Variants in ZNF662 observed in about 807,000 individuals in gnomAD.
The protein encoded by ZNF662 is zinc finger protein 662.
Under a neutral mutation model 12.4 loss-of-function variants are expected in ZNF662, and 14 were observed. That is an observed-to-expected ratio of 1.13 (90% CI 0.75 to 1.77). The LOEUF is 1.77. Ranked by LOEUF, ZNF662 falls within the 40% of genes most tolerant of loss-of-function variation. The pLI, the probability that ZNF662 is intolerant of heterozygous loss-of-function variation, is 0.00. For synonymous variants in ZNF662, 184 were observed against 176.4 expected (o/e 1.04, Z -0.34); for missense variants, 550 against 515.6 (o/e 1.07, Z -0.65).
rs116038501 is a variant in ZNF662 at position 42,914,948 on chromosome 3, C to A, written c.875C>A (p.Thr292Lys). 1 of 1,613,830 alleles carries A rather than the reference C, an allele frequency of 6.2e-7. No homozygotes were observed. Among genetic ancestry groups the A allele is most frequent in the Non-Finnish European group, 8.5e-7 (1 of 1,180,002 alleles). ...GKGFSQNTSLTQHQRIHTGEK... is the reference protein window; with the variant it reads ...GKGFSQNTSLKQHQRIHTGEK... ...GGCTTTAGTCAGAACACAAGCCTTA[C>A]GCAACATCAACGGATCCACACTGGT... is the stretch of plus-strand genomic sequence containing the variant. The change falls in exon 5 of 5, where the codon ACG becomes AAG. Residue 292 changes from threonine (T) to lysine (K), a missense_variant. By Grantham distance (78) the Thr-to-Lys change is moderately conservative. Transcript: ENST00000440367.
rs933569238 is a variant in ZNF662, at chr3:42,914,917, G to C, written c.844G>C (p.Gly282Arg). The stretch of plus-strand genomic sequence containing the variant: ...GAAACCCTTTGAATGTAAGGAATGT[G>C]GGAAGGGCTTTAGTCAGAACACAAG... Reference protein sequence around the residue: ...GEKPFECKECGKGFSQNTSLT... With the variant: ...GEKPFECKECRKGFSQNTSLT... The change falls in exon 5 of 5, where the codon GGG (glycine) becomes CGG (arginine). Residue 282 changes from glycine (G) to arginine (R), a missense_variant. Transcript: ENST00000440367. The C allele has an allele frequency of 6.2e-7, 1 of 1,614,102 alleles. No homozygotes were observed. The highest frequency in any genetic ancestry group is 1.3e-5 in the African/African-American group (1 of 74,934).
chr3:42,915,137 C>T lies in ZNF662; in HGVS notation c.1064C>T (p.Thr355Ile). Residue 355 changes from threonine to isoleucine, a missense_variant, in exon 5 of 5, where the codon ACT becomes ATT. By Grantham distance (89) the Thr-to-Ile change is moderately conservative (BLOSUM62 -1). Transcript: ENST00000440367. ...CTTTCTCAGCACCAGAGGGTCCACA[C>T]TGGGGACAAGCCTCATGAATGTACT... is the stretch of plus-strand genomic sequence containing the variant. Reference protein sequence around the residue: ...SDLSQHQRVHTGDKPHECTDC... With the variant: ...SDLSQHQRVHIGDKPHECTDC... 1 of 1,614,200 alleles carries T rather than the reference C, an allele frequency of 6.2e-7. No homozygotes were observed. Among genetic ancestry groups the T allele is most frequent in the Non-Finnish European group, 8.5e-7 (1 of 1,180,034 alleles).
chr3:42,909,615 G>T (rs924476176), intron 3 of ZNF662, among the ~76,000 whole-genome samples: 2 of 152,124 alleles, frequency 1.3e-5, no homozygotes, highest in African/African-American at 4.8e-5. Context: ...TAGCAGAGGG[G>T]CTCCTCACTT....
chr3:42,913,791 G>A (rs2088861462), intron 4 of ZNF662, among the ~76,000 whole-genome samples: 1 of 152,156 alleles, frequency 6.6e-6, no homozygotes, highest in African/African-American at 2.4e-5. Flanking sequence ...GTTCTGCCTG[G>A]AGTAGTTTGA....
Position 42,913,264 on chromosome 3 carries a change from T to A in ZNF662, c.215T>A (p.Leu72Gln). 6.2e-7 allele frequency: 1 copy of A among 1,614,044 alleles called. No individual in the cohort carries two copies. The highest frequency in any genetic ancestry group is 1.6e-4 in the Middle Eastern group (1 of 6,062). ...GAGCAGGTGGAAGAGCCATTAAACCTGAAACTGCAAGGAGAGGGTCCAAGC... is the reference window on the plus strand; with the variant it reads ...GAGCAGGTGGAAGAGCCATTAAACCAGAAACTGCAAGGAGAGGGTCCAAGC... Reference protein sequence around the residue: ...HPEQVEEPLNLKLQGEGPSLI... With the variant: ...HPEQVEEPLNQKLQGEGPSLI... The change falls in exon 4 of 5, where the codon CTG (leucine) becomes CAG (glutamine). Residue 72 changes from leucine (L) to glutamine (Q), a missense_variant. Leu to Gln is a moderately radical substitution (Grantham distance 113, BLOSUM62 -2). Transcript: ENST00000440367.
Position 42,916,452 on chromosome 3 carries a change from C to T in ZNF662, c.*1098C>T, listed in dbSNP as rs2088897650. 2 of 150,918 alleles carry T rather than the reference C, an allele frequency of 1.3e-5. No homozygotes were observed. Among genetic ancestry groups the T allele is most frequent in the African/African-American group, 4.9e-5 (2 of 40,780 alleles). 9.3% of individuals were successfully genotyped at this position (150,918 alleles called of 1,614,324 possible). The stretch of plus-strand genomic sequence containing the variant: ...CTATCTCAGCTCACTGCAAGCTCCA[C>T]CTCCTGGGTTCATGCCATTCTTCTG... On this transcript the variant is annotated 3_prime_UTR_variant, in exon 5 of 5. Coordinates refer to ENST00000440367, the MANE Select transcript of ZNF662 (RefSeq NM_207404.4).
At chr3:42,911,502 T>TA (rs2088789506) in intron 3 of ZNF662, among the ~76,000 whole-genome samples, 1 of 152,190 alleles carries the variant, frequency 6.6e-6, no homozygotes, top group South Asian at 2.1e-4. Context: ...ACAGCTAAGT[T>TA]ACTCCTTGAG....
In ZNF662 at chr3:42,914,873, A is replaced by T; in HGVS notation, c.800A>T (p.Gln267Leu). Residue 267 changes from glutamine to leucine, a missense_variant, in exon 5 of 5, where the codon CAG (glutamine) becomes CTG (leucine). Coordinates refer to ENST00000440367, the MANE Select transcript of ZNF662 (RefSeq NM_207404.4). ...FVWKSNLIRHQRIHTGEKPFE... is the reference protein window; with the variant it reads ...FVWKSNLIRHLRIHTGEKPFE... ...TGGAAGTCAAACCTGATTCGTCACC[A>T]GAGAATACATACTGGAGAGAAACCC... is the stretch of plus-strand genomic sequence containing the variant. The T allele has an allele frequency of 6.2e-7, 1 of 1,614,224 alleles. No individual in the cohort carries two copies.
chr3:42,912,652 AAAT>A (rs1221441784), intron 3 of ZNF662, among the ~76,000 whole-genome samples: 9 of 68,456 alleles, frequency 1.3e-4, no homozygotes, highest in African/African-American at 4.6e-4. Context: ...ATATATATAT[AAAT>A]ATATATATAT....
Position 42,914,732 on chromosome 3 carries a change from A to G in ZNF662, c.659A>G (p.Tyr220Cys), listed in dbSNP as rs764720706. ...AAAACTCATAATGGAGAGAAGGTCT[A>G]TGGATGTAAGGAATGTGGGAAGGCT... is the stretch of plus-strand genomic sequence containing the variant. ...HQKTHNGEKV[Y>C]GCKECGKAFS... Residue 220 changes from tyrosine (Y) to cysteine (C), a missense_variant, in exon 5 of 5, where the codon TAT (tyrosine) becomes TGT (cysteine). Tyr to Cys is a radical substitution (Grantham distance 194). Coordinates refer to ENST00000440367, the MANE Select transcript of ZNF662 (RefSeq NM_207404.4). 46 of 1,614,118 alleles carry G rather than the reference A, an allele frequency of 2.8e-5. No homozygotes were observed. Among genetic ancestry groups the G allele is most frequent in the Admixed American group, 1.8e-4 (11 of 60,008 alleles).
intron 1 of ZNF662, among the ~76,000 whole-genome samples, chr3:42,907,151 T>C (rs1362189929): frequency 6.6e-6 from 1 of 152,078 alleles, no homozygotes; most frequent in East Asian, 1.9e-4. Flanking sequence ...TCCCAACGGC[T>C]GGAGGTCAGC....
rs2088902423 is a variant in ZNF662, at chr3:42,917,024, A to G, written c.*1670A>G. The G allele has an allele frequency of 6.5e-6, 1 of 154,088 alleles. No individual in the cohort carries two copies. Among genetic ancestry groups the G allele is most frequent in the Admixed American group, 6.5e-5 (1 of 15,336 alleles). 9.5% of individuals were successfully genotyped at this position (154,088 alleles called of 1,614,324 possible). On this transcript the variant is annotated 3_prime_UTR_variant, in exon 5 of 5. Coordinates refer to ENST00000440367, the MANE Select transcript of ZNF662 (RefSeq NM_207404.4). ...GTCCAGGACCAAAGATAAAACAAAC[A>G]CGAGGAACATGTAGCGTCTACACAG...
chr3:42,913,180 T>G, intron 3 of ZNF662, 21 bp from the exon 4 acceptor site: 2 of 1,591,530 alleles, frequency 1.3e-6, no homozygotes, highest in Non-Finnish European at 1.7e-6. Context: ...GTCAGCCTTA[T>G]TTGTATCTTG....
chr3:42,908,241 G>C, intron 2 of ZNF662, 93 bp downstream of exon 2: 1 of 1,503,332 alleles, frequency 6.7e-7, no homozygotes, highest in Non-Finnish European at 8.9e-7. Flanking sequence ...ATAACCCTCA[G>C]CTCAATGGCA....
intron 3 of ZNF662, among the ~76,000 whole-genome samples, chr3:42,909,226 T>G (rs1169852029): frequency 6.6e-6 from 1 of 152,184 alleles, no homozygotes; most frequent in African/African-American, 2.4e-5. Flanking sequence ...TCCGTAGTGT[T>G]TGTGTCCCTG....
intron 3 of ZNF662, among the ~76,000 whole-genome samples, chr3:42,909,957 C>T (rs575667998): frequency 6.0e-4 from 92 of 152,180 alleles, no homozygotes; most frequent in African/African-American, 2.0e-3. Context: ...GGGTGGCGGC[C>T]GGGCAGACGC....
Position 42,908,907 on chromosome 3 carries a change from C to G in ZNF662, c.149C>G (p.Ser50Ter). The G allele has an allele frequency of 2.5e-6, 4 of 1,611,228 alleles. No individual in the cohort carries two copies. The highest frequency in any genetic ancestry group is 3.4e-6 in the Non-Finnish European group (4 of 1,177,552). The change falls in exon 3 of 5, where the codon TCA becomes TGA. Residue 50 changes from serine to a stop codon, truncating the protein, a stop_gained and splice_region_variant. Transcript: ENST00000440367. LOFTEE classifies it high-confidence loss of function. ...LDGEAPRGIS[S>*]GYPFLKPAGI... ...GGAGAGGCCCCAAGGGGCATCTCCT[C>G]AGGTGAGTGAGGGCACACGTGCCGG...
At position 42,918,986 on chromosome 3, in the gene ZNF662, T is replaced by C. The variant is rs2088923026; in HGVS notation, c.*3632T>C. Among the ~76,000 whole-genome samples, 3 of 152,214 alleles carry C rather than the reference T, an allele frequency of 2.0e-5. No homozygotes were observed. Among genetic ancestry groups the C allele is most frequent in the Admixed American group, 2.0e-4 (3 of 15,288 alleles). Reference sequence around the variant, plus strand: ...GGGGCTTGGCTTTCGTTAGCTCCCTTGGTCTTATTTTCCCAAAAAAGAAAC... The same window carrying C: ...GGGGCTTGGCTTTCGTTAGCTCCCTCGGTCTTATTTTCCCAAAAAAGAAAC... On this transcript the variant is annotated 3_prime_UTR_variant, in exon 5 of 5. Coordinates refer to ENST00000440367, the MANE Select transcript of ZNF662 (RefSeq NM_207404.4).
chr3:42,907,399 G>A (rs2088697997), intron 1 of ZNF662, among the ~76,000 whole-genome samples: 1 of 152,154 alleles, frequency 6.6e-6, no homozygotes, highest in African/African-American at 2.4e-5. Flanking sequence ...CTCTGTGGCT[G>A]GTGGCAGTGA....
Sources: allele counts gnomAD v4.1 joint callset (sites outside exome capture counted in the v4.1 genomes callset), GRCh38; gene constraint gnomAD v4.1.1; transcripts MANE v1.5; gene names NCBI Gene and HGNC (gene_info 2026-07-23, HGNC 2026-07-21).